The following LCA5 variants were observed in gnomAD, a reference collection of about 807,000 sequenced individuals.
LCA5 encodes the protein lebercilin LCA5.
In LCA5, 37 loss-of-function variants were observed where a neutral mutation model predicts 53.0. The observed-to-expected ratio is 0.70, with a 90% confidence interval of 0.54 to 0.92. The LOEUF (loss-of-function observed/expected upper bound fraction) is 0.92, where lower values mean the gene tolerates loss of function less well. Ranked by LOEUF, LCA5 falls within the 40% of genes least tolerant of loss-of-function variation. The pLI is 0.00. For synonymous variants in LCA5, 303 were observed against 282.9 expected (o/e 1.07, Z -0.71); for missense variants, 806 against 790.5 (o/e 1.02, Z -0.23).
intron 3 of LCA5, among the ~76,000 whole-genome samples, chr6:79,505,173 G>T (rs2127675183): frequency 6.6e-6 from 1 of 152,186 alleles, no homozygotes; most frequent in East Asian, 1.9e-4. Context: ...CTTAACAGTT[G>T]TTCTACCTAA....
At chr6:79,501,407 C>T (rs967282653) in intron 3 of LCA5, among the ~76,000 whole-genome samples, 3 of 151,992 alleles carry the variant, frequency 2.0e-5, no homozygotes, top group Admixed American at 2.0e-4. Context: ...TGGTCAAATT[C>T]ACTGATAAAT....
At chr6:79,519,335 G>GT (rs777584081) in intron 1 of LCA5, among the ~76,000 whole-genome samples, 8 of 152,120 alleles carry the variant, frequency 5.3e-5, no homozygotes, top group Non-Finnish European at 1.2e-4. Flanking sequence ...GAAGTTGACT[G>GT]TTTAATTTTA....
At chr6:79,509,095 C>G (rs933615412) in intron 3 of LCA5, among the ~76,000 whole-genome samples, 1 of 152,108 alleles carries the variant, frequency 6.6e-6, no homozygotes, top group Non-Finnish European at 1.5e-5. Flanking sequence ...ACACTCCCCC[C>G]ATCCCCTCAA....
chr6:79,538,145 G>T (rs930776333), upstream of LCA5, among the ~76,000 whole-genome samples: 35 of 104,154 alleles, frequency 3.4e-4, no homozygotes, highest in African/African-American at 1.2e-3. Flanking sequence ...CGGGAGACAG[G>T]GAAGGTAAAA....
At chr6:79,531,574 C>G (rs1766960236) in intron 1 of LCA5, among the ~76,000 whole-genome samples, 1 of 152,128 alleles carries the variant, frequency 6.6e-6, no homozygotes. Flanking sequence ...ACTGAAACAG[C>G]TTTTGTCAAG....
At position 79,537,371 on chromosome 6, in the gene LCA5, C is replaced by G. The variant is rs370115829; in HGVS notation, c.-398G>C. ...GATGGGACAGAGGCGAGGATCGGGG[C>G]TCCTGGGTGGCAGCGGCGGTAACCT... On this transcript the variant is annotated 5_prime_UTR_variant, in exon 1 of 8. Transcript: ENST00000369846. 1,188 of 152,814 alleles carry G rather than the reference C, an allele frequency of 7.8e-3. 10 individuals are homozygous for G. Among genetic ancestry groups the G allele is most frequent in the Non-Finnish European group, 0.011 (774 of 68,426 alleles). 9.5% of individuals were successfully genotyped at this position (152,814 alleles called of 1,614,324 possible).
intron 6 of LCA5, among the ~76,000 whole-genome samples, chr6:79,491,039 T>C (rs1334076791): frequency 1.4e-5 from 2 of 138,578 alleles, no homozygotes; most frequent in Non-Finnish European, 3.0e-5. Flanking sequence ...AATTCTCCTA[T>C]ATAGAGGACC....
At chr6:79,506,829 C>G (rs1206151119) in intron 3 of LCA5, among the ~76,000 whole-genome samples, 3 of 152,154 alleles carry the variant, frequency 2.0e-5, no homozygotes, top group Non-Finnish European at 4.4e-5. Context: ...AAAGGCTCCA[C>G]TGAAACATAT....
At chr6:79,508,750 T>C (rs1481119633) in intron 3 of LCA5, among the ~76,000 whole-genome samples, 1 of 152,202 alleles carries the variant, frequency 6.6e-6, no homozygotes, top group African/African-American at 2.4e-5. Flanking sequence ...AGGATTTTCT[T>C]AGGTTTTAGT....
At chr6:79,512,446 C>T (rs1009451819) in intron 3 of LCA5, among the ~76,000 whole-genome samples, 5 of 152,048 alleles carry the variant, frequency 3.3e-5, no homozygotes, top group African/African-American at 1.2e-4. Flanking sequence ...CACAACATGC[C>T]ATGTATTAAA....
At chr6:79,492,734 T>C (rs1769879149) in intron 4 of LCA5, 87 bp from the exon 5 acceptor site, 1 of 729,104 alleles carries the variant, frequency 1.4e-6, no homozygotes, top group Non-Finnish European at 2.4e-6. Context: ...GGTATTTTCT[T>C]ACCATATTGA....
Position 79,487,806 on chromosome 6 carries a change from T to C in LCA5, c.1292A>G (p.Glu431Gly). ...TCCAGTTTCCCACTCTGGCTTTTCT[T>C]CTCTTTCCAGTAAAGATGCCTTTTC... ...QKEKASLLER[E>G]EKPEWETGRY... Residue 431 changes from glutamate to glycine, a missense_variant, in exon 8 of 8, where the codon GAA becomes GGA. Transcript: ENST00000369846. 6.2e-7 allele frequency: 1 copy of C among 1,611,296 alleles called. No individual in the cohort carries two copies. The highest frequency in any genetic ancestry group is 8.5e-7 in the Non-Finnish European group (1 of 1,179,082).
chr6:79,507,462 A>C (rs767474170), intron 3 of LCA5, among the ~76,000 whole-genome samples: 1 of 152,186 alleles, frequency 6.6e-6, no homozygotes, highest in Non-Finnish European at 1.5e-5. Flanking sequence ...TTTGGAAATC[A>C]CTACTTTATA....
intron 1 of LCA5, among the ~76,000 whole-genome samples, chr6:79,522,774 A>G (rs1252548454): frequency 1.3e-5 from 2 of 151,920 alleles, no homozygotes; most frequent in East Asian, 3.9e-4. Context: ...GCAACCTTGA[A>G]CTCCTGGGCT....
intron 1 of LCA5, among the ~76,000 whole-genome samples, chr6:79,530,731 T>A (rs551734338): frequency 0.02 from 2,973 of 152,238 alleles, 33 homozygotes; most frequent in Non-Finnish European, 0.028. Flanking sequence ...CTTAGACACT[T>A]GTGAAAATTC....
Position 79,513,385 on chromosome 6 carries a change from G to A in LCA5, c.547C>T (p.Arg183Trp), listed in dbSNP as rs756065864. Residue 183 changes from arginine (R) to tryptophan (W), a missense_variant, in exon 3 of 8, where the codon CGG becomes TGG. Coordinates refer to ENST00000369846, the MANE Select transcript of LCA5 (RefSeq NM_001122769.3). ...ERLRKSQEKE[R>W]ATEKRVKDTE... ...TCTTTTACCCTTTTCTCAGTTGCCCGTTCTTTCTCTTGAGATTTTCTTAAG... is the reference window on the plus strand; with the variant it reads ...TCTTTTACCCTTTTCTCAGTTGCCCATTCTTTCTCTTGAGATTTTCTTAAG... 27 of 1,613,590 alleles carry A rather than the reference G, an allele frequency of 1.7e-5. No homozygotes were observed. The South Asian group carries it at 2.4e-4, about 14-fold the overall frequency.
At chr6:79,502,487 A>G (rs1163824446) in intron 3 of LCA5, among the ~76,000 whole-genome samples, 1 of 152,150 alleles carries the variant, frequency 6.6e-6, no homozygotes, top group Admixed American at 6.6e-5. Flanking sequence ...GTCTTCCAAC[A>G]TAGATTTTAC....
intron 2 of LCA5, 125 bp from the exon 3 acceptor site, chr6:79,513,866 A>G: frequency 1.1e-6 from 1 of 874,170 alleles, no homozygotes; most frequent in Non-Finnish European, 1.8e-6. Context: ...AGGATTTTAC[A>G]ATATTTAGTA....
intron 1 of LCA5, among the ~76,000 whole-genome samples, chr6:79,527,233 A>G (rs1766817904): frequency 1.3e-5 from 2 of 152,202 alleles, no homozygotes; most frequent in Admixed American, 1.3e-4. Context: ...GGAAAACAAC[A>G]GTAAAAAGTG....
Sources: allele counts gnomAD v4.1 joint callset (sites outside exome capture counted in the v4.1 genomes callset), GRCh38; gene constraint gnomAD v4.1.1; transcripts MANE v1.5; gene names NCBI Gene and HGNC (gene_info 2026-07-23, HGNC 2026-07-21).